COL11A1: variants seen among roughly 807,000 people sequenced by gnomAD.
COL11A1 encodes the protein collagen alpha-1(XI) chain.
Under a neutral mutation model 265.2 loss-of-function variants are expected in COL11A1, and 74 were observed. The ratio of observed to expected loss-of-function variants is 0.28; its 90% confidence interval spans 0.23 to 0.34. The LOEUF (loss-of-function observed/expected upper bound fraction) is 0.34. COL11A1 is among the 10% of genes least tolerant of loss of function. COL11A1 has a pLI of 1.00. For synonymous variants in COL11A1, 816 were observed against 727.6 expected, an observed-to-expected ratio of 1.12 and a Z score of -1.96; for missense variants, 2,165 against 2,263.6, an observed-to-expected ratio of 0.96 and a Z score of 0.88.
At chr1:102,885,439 A>C (rs1650844193) in intron 63 of COL11A1, among the ~76,000 whole-genome samples, 2 of 152,132 alleles carry the variant, frequency 1.3e-5, no homozygotes, top group African/African-American at 2.4e-5. Flanking sequence ...CAAATTGCTT[A>C]TCTTGGTGCT....
chr1:102,983,697 G>A (rs545292373), intron 31 of COL11A1, among the ~76,000 whole-genome samples: 58 of 152,056 alleles, frequency 3.8e-4, no homozygotes, highest in African/African-American at 1.1e-3. Context: ...ATACGTTTGT[G>A]GAGATTTGTC....
intron 24 of COL11A1, 138 bp downstream of exon 24, chr1:103,001,787 T>C (rs1665129933): frequency 1.3e-6 from 1 of 750,150 alleles, no homozygotes; most frequent in Non-Finnish European, 2.4e-6. Context: ...TATATTTCCA[T>C]GTCGACTCCA....
At chr1:102,982,679 A>T (rs1002605586) in intron 31 of COL11A1, among the ~76,000 whole-genome samples, 1 of 152,112 alleles carries the variant, frequency 6.6e-6, no homozygotes, top group Non-Finnish European at 1.5e-5. Flanking sequence ...CAAAAGCATT[A>T]TATTTATCCC....
intron 4 of COL11A1, among the ~76,000 whole-genome samples, chr1:103,047,935 G>T (rs1405389493): frequency 6.6e-6 from 1 of 152,170 alleles, no homozygotes; most frequent in East Asian, 1.9e-4. Context: ...AACAAGCCTT[G>T]CATCCCAGGG....
chr1:102,932,265 G>A (rs1427676043), intron 46 of COL11A1, among the ~76,000 whole-genome samples: 1 of 152,026 alleles, frequency 6.6e-6, no homozygotes, highest in East Asian at 1.9e-4. Flanking sequence ...ACTGCCTTCA[G>A]GAGCTCTTTT....
intron 4 of COL11A1, among the ~76,000 whole-genome samples, chr1:103,065,666 A>C (rs368092071): frequency 1.3e-5 from 2 of 151,930 alleles, no homozygotes; most frequent in African/African-American, 2.4e-5. Context: ...AACAGCTATT[A>C]TAACTCTCCT....
At chr1:102,898,545 C>A in intron 56 of COL11A1, 121 bp downstream of exon 56, 1 of 697,946 alleles carries the variant, frequency 1.4e-6, no homozygotes, top group South Asian at 1.8e-5. Flanking sequence ...TTACAGAATT[C>A]CCACAAAATT....
At chr1:102,906,476 T>C (rs1188053498) in intron 54 of COL11A1, among the ~76,000 whole-genome samples, 1 of 152,152 alleles carries the variant, frequency 6.6e-6, no homozygotes, top group Non-Finnish European at 1.5e-5. Flanking sequence ...AGAACAATCA[T>C]GACTCACTGC....
chr1:103,076,113 A>G (rs1428493424), intron 3 of COL11A1, among the ~76,000 whole-genome samples: 3 of 152,124 alleles, frequency 2.0e-5, no homozygotes, highest in Non-Finnish European at 4.4e-5. Flanking sequence ...TATGATAATG[A>G]TATGTCATAA....
At chr1:102,954,681 C>A (rs879702672) in intron 41 of COL11A1, among the ~76,000 whole-genome samples, 2 of 151,890 alleles carry the variant, frequency 1.3e-5, no homozygotes, top group African/African-American at 4.8e-5. Flanking sequence ...CCCGTTTCTA[C>A]GAAAAATACA....
At chr1:102,894,692 C>G (rs1326574738) in intron 57 of COL11A1, among the ~76,000 whole-genome samples, 1 of 151,794 alleles carries the variant, frequency 6.6e-6, no homozygotes, top group East Asian at 1.9e-4. Context: ...TAGCAGAGTC[C>G]CACTTAAAAA....
chr1:102,967,958 A>C (rs1377230900), intron 37 of COL11A1, among the ~76,000 whole-genome samples: 1 of 152,220 alleles, frequency 6.6e-6, no homozygotes, highest in African/African-American at 2.4e-5. Flanking sequence ...GGAGAGAGGA[A>C]GTCTTGGCTG....
rs567815799 is a variant in COL11A1, at chr1:102,989,057, A to G, written c.2394+461T>C. ...TGTTTTCTATAATGTATTACTAGAA[A>G]AAACTACTATTTTTACATTCAAAAA... On this transcript the variant is annotated intron_variant, in intron 29 of 66. Transcript: ENST00000370096. Among the ~76,000 whole-genome samples the G allele has an allele frequency of 1.5e-3, 235 of 152,286 alleles. 1 individual carries two copies. Among genetic ancestry groups the G allele is most frequent in the Middle Eastern group, 0.01 (3 of 294 alleles).
chr1:102,921,525 C>G lies in COL11A1; in HGVS notation c.3701G>C (p.Gly1234Ala), dbSNP rs1485524435. The G allele has an allele frequency of 6.2e-7, 1 of 1,612,806 alleles. No homozygotes were observed. The highest frequency in any genetic ancestry group is 1.7e-5 in the Admixed American group (1 of 59,968). The change falls in exon 48 of 67, where the codon GGA becomes GCA. Residue 1234 changes from glycine (G) to alanine (A), a missense_variant. Coordinates refer to ENST00000370096, the MANE Select transcript of COL11A1 (RefSeq NM_001854.4). ...ATATTTCAGAGTTCTTACATCAGCT[C>G]CATTGGGACCTTGAGGGCCTCTTGG... ...PGPRGPQGPN[G>A]ADGPQGPPGS...
chr1:103,014,662 T>C, intron 12 of COL11A1, 68 bp from the exon 13 acceptor site: 1 of 1,333,618 alleles, frequency 7.5e-7, no homozygotes, highest in Non-Finnish European at 1.1e-6. Flanking sequence ...CGTGCTTTGA[T>C]CATTAGATAA....
At chr1:103,000,736 G>T (rs1665025815) in intron 24 of COL11A1, among the ~76,000 whole-genome samples, 2 of 151,892 alleles carry the variant, frequency 1.3e-5, no homozygotes, top group South Asian at 4.1e-4. Flanking sequence ...CATAACACAA[G>T]AATTCTGCTT....
At chr1:102,973,497 G>A (rs781195498) in intron 36 of COL11A1, among the ~76,000 whole-genome samples, 11 of 152,228 alleles carry the variant, frequency 7.2e-5, no homozygotes, top group South Asian at 6.2e-4. Context: ...GGTTATATAC[G>A]TCACTAAACT....
At chr1:102,923,452 C>A in intron 46 of COL11A1, 63 bp from the exon 47 acceptor site, 2 of 1,262,016 alleles carry the variant, frequency 1.6e-6, no homozygotes, top group East Asian at 2.5e-5. Context: ...AAAGTTTGGT[C>A]AATTTCTAAG....
intron 37 of COL11A1, among the ~76,000 whole-genome samples, chr1:102,967,488 C>T (rs1661559680): frequency 6.6e-6 from 1 of 151,996 alleles, no homozygotes; most frequent in African/African-American, 2.4e-5. Flanking sequence ...GATCCGCCCG[C>T]CTCGGCCTCC....
Sources: gnomAD v4.1 joint callset for allele counts (sites outside exome capture counted in the v4.1 genomes callset) on GRCh38, gnomAD v4.1.1 for gene constraint, MANE v1.5 for transcripts, NCBI Gene and HGNC (gene_info 2026-07-23, HGNC 2026-07-21) for gene names.